PPP2R5D: variants seen among roughly 807,000 people sequenced by gnomAD.
The protein encoded by PPP2R5D is serine/threonine-protein phosphatase 2A 56 kDa regulatory subunit delta isoform.
A neutral mutation model predicts 79.1 loss-of-function variants in PPP2R5D; 12 were observed. The observed-to-expected ratio is 0.15, with a 90% CI of 0.10 to 0.25. The LOEUF is 0.25. Ranked by LOEUF, PPP2R5D falls within the 10% of genes least tolerant of loss-of-function variation. The pLI is 1.00. For missense variants in PPP2R5D, 419 were observed against 760.2 expected (o/e 0.55, Z 5.28); for synonymous variants, 277 against 286.6 (o/e 0.97, Z 0.34).
At position 43,009,671 on chromosome 6, in the gene PPP2R5D, C is replaced by T. The variant is rs771996422; in HGVS notation, c.1379+222C>T. Among the ~76,000 whole-genome samples, 1 of 152,172 alleles carries T rather than the reference C, an allele frequency of 6.6e-6. No homozygotes were observed. Among genetic ancestry groups the T allele is most frequent in the Non-Finnish European group, 1.5e-5 (1 of 68,030 alleles). On this transcript the variant is annotated intron_variant, in intron 12 of 15. Coordinates refer to ENST00000485511, the MANE Select transcript of PPP2R5D (RefSeq NM_006245.4). The surrounding 1 kb of genome is among the most constrained non-coding windows in gnomAD (Gnocchi z 5.6). ...CAGGGCAGCGGCCTGTTACACCGCT[C>T]CTTGGGTTCAGCTATTCTACAGGTC...
chr6:42,998,809 C>T (rs896324863), intron 2 of PPP2R5D, among the ~76,000 whole-genome samples: 2 of 151,924 alleles, frequency 1.3e-5, no homozygotes, highest in Non-Finnish European at 2.9e-5. Context: ...CTGAGGCAGG[C>T]AGATCACTTG....
Position 43,005,651 on chromosome 6 carries a change from C to T in PPP2R5D, c.106-812C>T, listed in dbSNP as rs1416621546. ...GTTTTTTTTTTTTGAGACAAAGTCT[C>T]GCTCTTGTCCCCCAGGCTGGAGTGC... On this transcript the variant is annotated intron_variant, in intron 2 of 15. Coordinates refer to ENST00000485511, the MANE Select transcript of PPP2R5D (RefSeq NM_006245.4). 2.0e-5 allele frequency among the ~76,000 whole-genome samples: 3 copies of T among 151,052 alleles called. No individual in the cohort carries two copies. In the East Asian group the frequency reaches 5.9e-4, roughly 30 times the overall value.
Position 43,009,518 on chromosome 6 carries a change from A to T in PPP2R5D, c.1379+69A>T. On this transcript the variant is annotated intron_variant, in intron 12 of 15. Transcript: ENST00000485511. This position sits in a 1 kb window ranked among gnomAD's most constrained non-coding sequence, Gnocchi z 5.6. ...GAAACTTTGAGGGTATGGAAGAACT[A>T]AAGAGCCAGGGGTCTCACCTAGTCA... 2 of 1,601,356 alleles carry T rather than the reference A, an allele frequency of 1.2e-6. No individual in the cohort carries two copies. Among genetic ancestry groups the T allele is most frequent in the East Asian group, 2.2e-5 (1 of 44,766 alleles).
Position 43,010,598 on chromosome 6 carries a change from C to G in PPP2R5D, c.1481+29C>G. 1.9e-6 allele frequency: 3 copies of G among 1,612,814 alleles called. No homozygotes were observed. The highest frequency in any genetic ancestry group is 2.2e-5 in the South Asian group (2 of 91,044). On this transcript the variant is annotated intron_variant, in intron 13 of 15. Transcript: ENST00000485511. This position sits in a 1 kb window ranked among gnomAD's most constrained non-coding sequence, Gnocchi z 4.7. ...AGTATCTCTCTCCCCGGGAGACTTTCATCTTCTACCACCAGCTCACTGTGT... is the reference window on the plus strand; with the variant it reads ...AGTATCTCTCTCCCCGGGAGACTTTGATCTTCTACCACCAGCTCACTGTGT...
chr6:42,993,454 A>G (rs1420795146), intron 2 of PPP2R5D, among the ~76,000 whole-genome samples: 1 of 152,158 alleles, frequency 6.6e-6, no homozygotes, highest in Non-Finnish European at 1.5e-5. Context: ...CTCGGTGACA[A>G]GAGGGAAACT....
chr6:43,011,154 A>G lies in PPP2R5D; in HGVS notation c.1677A>G (p.Leu559=), dbSNP rs1222786825. ...TTGTCCCTATTCACACACAGATGCT[A>G]AAAGACATCAAGAAGGAGAAAGTGC... The part of the protein sequence containing the change: ...RTVETEAVQM[L]KDIKKEKVLL... Residue 559 remains leucine (L), a synonymous_variant, in exon 16 of 16, where the codon CTA becomes CTG. Transcript: ENST00000485511. 1 of 1,614,154 alleles carries G rather than the reference A, an allele frequency of 6.2e-7. No individual in the cohort carries two copies. The highest frequency in any genetic ancestry group is 8.5e-7 in the Non-Finnish European group (1 of 1,180,006).
At chr6:43,005,784 G>T (rs1398221545) in intron 2 of PPP2R5D, among the ~76,000 whole-genome samples, 1 of 152,054 alleles carries the variant, frequency 6.6e-6, no homozygotes, top group Admixed American at 6.6e-5. Flanking sequence ...ACCACGCCTG[G>T]CTAATGTTTG....
rs1454558335 is a variant in PPP2R5D at position 43,008,528 on chromosome 6, C to T, written c.1026+53C>T. 8.4e-6 allele frequency: 13 copies of T among 1,545,118 alleles called. No homozygotes were observed. The highest frequency in any genetic ancestry group is 1.7e-5 in the Admixed American group (1 of 59,692). ...CAACTCAGGCAGCAGAGAAAAGAGC[C>T]GGCAGGAAAGTGTTCCAGCTGGGAT... On this transcript the variant is annotated intron_variant, in intron 9 of 15. Transcript: ENST00000485511. The surrounding 1 kb of genome is among the most constrained non-coding windows in gnomAD (Gnocchi z 4.2).
chr6:43,001,812 G>T (rs1263810204), intron 2 of PPP2R5D, among the ~76,000 whole-genome samples: 1 of 151,816 alleles, frequency 6.6e-6, no homozygotes, highest in Admixed American at 6.6e-5. Flanking sequence ...GCTTGAACCC[G>T]GGAGGCAGAG....
intron 1 of PPP2R5D, among the ~76,000 whole-genome samples, chr6:42,989,344 C>T (rs1170702573): frequency 2.6e-5 from 4 of 152,180 alleles, no homozygotes; most frequent in Non-Finnish European, 1.5e-5. Flanking sequence ...AACCTCTGCA[C>T]CAGCCTGATG....
chr6:42,986,200 AG>A (rs1770832021), intron 1 of PPP2R5D, among the ~76,000 whole-genome samples: 1 of 152,114 alleles, frequency 6.6e-6, no homozygotes, highest in African/African-American at 2.4e-5. Context: ...GGTCTGACTC[AG>A]AGGTGTGGTT....
Position 43,008,391 on chromosome 6 carries a change from C to T in PPP2R5D, c.942C>T (p.Pro314=), listed in dbSNP as rs765413854. The T allele has an allele frequency of 1.2e-6, 2 of 1,613,950 alleles. No individual in the cohort carries two copies. The highest frequency in any genetic ancestry group is 2.2e-5 in the South Asian group (2 of 91,070). ...GCATCATCAATGGCTTTGCCCTGCCCCTTAAAGAAGAGCACAAGATGTTCC... is the reference window on the plus strand; with the variant it reads ...GCATCATCAATGGCTTTGCCCTGCCTCTTAAAGAAGAGCACAAGATGTTCC... ...LGSIINGFAL[P]LKEEHKMFLI... Residue 314 remains proline, a synonymous_variant, in exon 9 of 16, where the codon CCC becomes CCT. Transcript: ENST00000485511. This position sits in a 1 kb window ranked among gnomAD's most constrained non-coding sequence, Gnocchi z 4.2.
intron 2 of PPP2R5D, among the ~76,000 whole-genome samples, chr6:43,003,570 G>A (rs1761892464): frequency 6.6e-6 from 1 of 152,140 alleles, no homozygotes; most frequent in South Asian, 2.1e-4. Context: ...AAATGCAGAA[G>A]TAATCTAATT....
intron 2 of PPP2R5D, among the ~76,000 whole-genome samples, chr6:42,997,176 ATTTAT>A (rs1176994117): frequency 6.7e-6 from 1 of 148,974 alleles, no homozygotes; most frequent in Non-Finnish European, 1.5e-5. Flanking sequence ...TTGTATTTTT[ATTTAT>A]TTTATTTATT....
At position 43,008,557 on chromosome 6, in the gene PPP2R5D, G is replaced by A. The variant is rs1480195356; in HGVS notation, c.1026+82G>A. 2.0e-6 allele frequency: 3 copies of A among 1,479,598 alleles called. No individual in the cohort carries two copies. The African/African-American group carries it at 4.2e-5, about 21-fold the overall frequency. 91.7% of individuals were successfully genotyped at this position (1,479,598 alleles called of 1,614,324 possible). On this transcript the variant is annotated intron_variant, in intron 9 of 15. Transcript: ENST00000485511. This position sits in a 1 kb window ranked among gnomAD's most constrained non-coding sequence, Gnocchi z 4.2. ...AGGAAAGTGTTCCAGCTGGGATAGG[G>A]GAAGCATAGGGAGCAGGTGGGATAA... is the stretch of plus-strand genomic sequence containing the variant.
chr6:43,007,873 C>T lies in PPP2R5D; in HGVS notation c.727-62C>T. On this transcript the variant is annotated intron_variant, in intron 6 of 15. Coordinates refer to ENST00000485511, the MANE Select transcript of PPP2R5D (RefSeq NM_006245.4). This position sits in a 1 kb window ranked among gnomAD's most constrained non-coding sequence, Gnocchi z 4.5. ...TTTCCCCTGGCGGGACCTATGTCACCCTGGCCACTGCCTTCCCTGGCTGCT... is the reference window on the plus strand; with the variant it reads ...TTTCCCCTGGCGGGACCTATGTCACTCTGGCCACTGCCTTCCCTGGCTGCT... The T allele has an allele frequency of 6.2e-7, 1 of 1,603,952 alleles. No individual in the cohort carries two copies. Among genetic ancestry groups the T allele is most frequent in the South Asian group, 1.1e-5 (1 of 90,634 alleles).
In PPP2R5D at chr6:43,008,903, C is replaced by G. The variant is rs545415061; in HGVS notation, c.1081-154C>G. ...GAAGGGGAAGCAAAACCTATATACA[C>G]CTAGGAAACAGATCCAAGGCAAAGA... On this transcript the variant is annotated intron_variant, in intron 10 of 15. Transcript: ENST00000485511. The surrounding 1 kb of genome is among the most constrained non-coding windows in gnomAD (Gnocchi z 4.2). Among the ~76,000 whole-genome samples, 3 of 152,250 alleles carry G rather than the reference C, an allele frequency of 2.0e-5. No individual in the cohort carries two copies. The highest frequency in any genetic ancestry group is 7.2e-5 in the African/African-American group (3 of 41,528).
At chr6:43,005,141 CTT>C (rs762415952) in intron 2 of PPP2R5D, among the ~76,000 whole-genome samples, 4 of 120,042 alleles carry the variant, frequency 3.3e-5, no homozygotes, top group Admixed American at 8.6e-5. Flanking sequence ...GTGCACAAAG[CTT>C]TTTTTTTTTT....
chr6:42,989,481 G>A (rs920218299), intron 1 of PPP2R5D, 130 bp from the exon 2 acceptor site: 11 of 772,990 alleles, frequency 1.4e-5, no homozygotes, highest in African/African-American at 3.5e-5. Context: ...CCCCAGCTCC[G>A]CACAAGGTAG....
Sources: gnomAD v4.1 joint callset for allele counts (sites outside exome capture counted in the v4.1 genomes callset) on GRCh38, gnomAD v4.1.1 for gene constraint, Gnocchi (gnomAD v3.1) non-coding constraint, MANE v1.5 for transcripts, NCBI Gene and HGNC (gene_info 2026-07-23, HGNC 2026-07-21) for gene names.